The following CPN1 variants were observed in gnomAD, a reference collection of about 807,000 sequenced individuals.
The protein encoded by CPN1 is carboxypeptidase N catalytic chain.
CPN1 carries 37 observed loss-of-function variants against 46.4 expected under a neutral mutation model. The ratio of observed to expected loss-of-function variants is 0.80; its 90% CI spans 0.61 to 1.05. The LOEUF is 1.05. CPN1 is among the 50% of genes least tolerant of loss of function. The pLI is 0.00. For synonymous variants in CPN1, 224 were observed against 235.4 expected, an observed-to-expected ratio of 0.95 and a Z score of 0.44; for missense variants, 563 against 602.6, an observed-to-expected ratio of 0.93 and a Z score of 0.69.
At chr10:100,072,069 G>A (rs946304521) in intron 2 of CPN1, among the ~76,000 whole-genome samples, 4 of 152,152 alleles carry the variant, frequency 2.6e-5, no homozygotes, top group South Asian at 2.1e-4. Flanking sequence ...GAACATCCAC[G>A]TACAAGTCTT....
intron 5 of CPN1, 48 bp from the exon 6 acceptor site, chr10:100,057,200 C>T (rs769575861): frequency 1.4e-5 from 23 of 1,598,912 alleles, no homozygotes; most frequent in Non-Finnish European, 2.0e-5. Context: ...GGTTCCCACC[C>T]AATGCCCCAT....
chr10:100,070,667 TC>T (rs923922838), intron 2 of CPN1, among the ~76,000 whole-genome samples: 1 of 152,180 alleles, frequency 6.6e-6, no homozygotes, highest in African/African-American at 2.4e-5. Flanking sequence ...TTATCCAAAG[TC>T]ACAGTGGTGG....
At chr10:100,051,274 T>C (rs2041351194) in intron 7 of CPN1, among the ~76,000 whole-genome samples, 1 of 152,140 alleles carries the variant, frequency 6.6e-6, no homozygotes. Context: ...CCCTATTAAA[T>C]GTCTGTAATT....
At chr10:100,058,170 TG>T (rs1237337961) in intron 5 of CPN1, among the ~76,000 whole-genome samples, 1 of 152,208 alleles carries the variant, frequency 6.6e-6, no homozygotes, top group Non-Finnish European at 1.5e-5. Flanking sequence ...TCATCCTTTA[TG>T]TTTTTTTTCC....
Position 100,065,347 on chromosome 10 carries a change from C to T in CPN1, c.600G>A (p.Val200=). 2 of 1,614,176 alleles carry T rather than the reference C, an allele frequency of 1.2e-6. No individual in the cohort carries two copies. Among genetic ancestry groups the T allele is most frequent in the African/African-American group, 1.3e-5 (1 of 75,040 alleles). The change falls in exon 4 of 9, where the codon GTG becomes GTA. Residue 200 remains valine, a synonymous_variant. Coordinates refer to ENST00000370418, the MANE Select transcript of CPN1 (RefSeq NM_001308.3). ...AGTTGAAGGAGTGCATCCACCGGAT[C>T]ACCGCCCGGGTCTCGGGTTCCACCT... ...KSQVEPETRA[V]IRWMHSFNFV...
At chr10:100,050,325 G>A (rs1434118129) in intron 7 of CPN1, among the ~76,000 whole-genome samples, 5 of 152,086 alleles carry the variant, frequency 3.3e-5, no homozygotes, top group African/African-American at 1.2e-4. Flanking sequence ...CTGCACTCCA[G>A]CCTTGGTGAC....
intron 7 of CPN1, among the ~76,000 whole-genome samples, chr10:100,053,063 A>T (rs2041364688): frequency 6.6e-6 from 1 of 152,198 alleles, no homozygotes; most frequent in Admixed American, 6.6e-5. Flanking sequence ...AGAAACAAAT[A>T]AAAAGGATGG....
chr10:100,071,891 G>A lies in CPN1; in HGVS notation c.421-2022C>T, dbSNP rs113498520. Among the ~76,000 whole-genome samples, 1,245 of 152,238 alleles carry A rather than the reference G, an allele frequency of 8.2e-3. 23 individuals carry two copies. Among genetic ancestry groups the A allele is most frequent in the African/African-American group, 0.027 (1,136 of 41,532 alleles). ...CCAAGGATTTTGATATTGGTGGGGG[G>A]CCCTGGAATCAATCACCTACGGATA... On this transcript the variant is annotated intron_variant, in intron 2 of 8. Coordinates refer to ENST00000370418, the MANE Select transcript of CPN1 (RefSeq NM_001308.3).
chr10:100,076,093 T>C lies in CPN1; in HGVS notation c.238A>G (p.Lys80Glu), dbSNP rs374239992. 21 of 1,614,078 alleles carry C rather than the reference T, an allele frequency of 1.3e-5. No homozygotes were observed. In the African/African-American group the frequency reaches 2.7e-4, roughly 21 times the overall value. ...GIHEPLEPEV[K>E]YVGNMHGNEA... ...TTGCCGTGCATGTTCCCCACATACT[T>C]GACCTCTGGTTCCACTGCAAGGAAG... is the stretch of plus-strand genomic sequence containing the variant. The change falls in exon 2 of 9, where the codon AAG (lysine) becomes GAG (glutamate). Residue 80 changes from lysine to glutamate, a missense_variant. By Grantham distance (56) the Lys-to-Glu change is moderately conservative. Coordinates refer to ENST00000370418, the MANE Select transcript of CPN1 (RefSeq NM_001308.3).
At chr10:100,055,193 A>G (rs2041378391) in intron 6 of CPN1, among the ~76,000 whole-genome samples, 2 of 151,656 alleles carry the variant, frequency 1.3e-5, no homozygotes, top group African/African-American at 4.8e-5. Context: ...GGCTTAGATC[A>G]CGCCACTGCA....
At chr10:100,055,167 G>A (rs2041378255) in intron 6 of CPN1, among the ~76,000 whole-genome samples, 2 of 151,900 alleles carry the variant, frequency 1.3e-5, no homozygotes, top group Non-Finnish European at 2.9e-5. Context: ...AAACTGAGGA[G>A]GCGGAGGTTG....
At chr10:100,045,237 T>C (rs527500937) in intron 8 of CPN1, among the ~76,000 whole-genome samples, 1 of 152,340 alleles carries the variant, frequency 6.6e-6, no homozygotes, top group Non-Finnish European at 1.5e-5. Context: ...TCCTTTGAAA[T>C]TGAGTGTGTT....
intron 7 of CPN1, among the ~76,000 whole-genome samples, chr10:100,049,179 G>A (rs2041335635): frequency 1.3e-5 from 2 of 148,878 alleles, no homozygotes; most frequent in Admixed American, 6.7e-5. Flanking sequence ...GGCTAATATC[G>A]AACCCCTGAC....
chr10:100,056,991 GA>G, intron 6 of CPN1, 21 bp downstream of exon 6: 1 of 1,614,084 alleles, frequency 6.2e-7, no homozygotes, highest in Non-Finnish European at 8.5e-7. Context: ...GCAAACATGA[GA>G]GTTAACAAAT....
chr10:100,049,379 C>G (rs2133426830), intron 7 of CPN1, among the ~76,000 whole-genome samples: 1 of 152,046 alleles, frequency 6.6e-6, no homozygotes, highest in Non-Finnish European at 1.5e-5. Flanking sequence ...TCTCCTGCCT[C>G]AGCCTCCCAA....
At position 100,054,395 on chromosome 10, in the gene CPN1, C is replaced by T. The variant is rs771923245; in HGVS notation, c.1063G>A (p.Ala355Thr). 1.3e-5 allele frequency: 21 copies of T among 1,613,902 alleles called. No individual in the cohort carries two copies. Among genetic ancestry groups the T allele is most frequent in the Admixed American group, 6.7e-5 (4 of 59,988 alleles). ...MVLDENYNNL[A>T]NAVISVSGIN... The stretch of plus-strand genomic sequence containing the variant: ...CCACTGACAGAAATGACAGCATTGG[C>T]GAGATTATTGTAATTCTCATCAAGC... The change falls in exon 7 of 9, where the codon GCC (alanine) becomes ACC (threonine). Residue 355 changes from alanine to threonine, a missense_variant. Coordinates refer to ENST00000370418, the MANE Select transcript of CPN1 (RefSeq NM_001308.3).
chr10:100,064,403 G>A (rs1346853427), intron 4 of CPN1, among the ~76,000 whole-genome samples: 1 of 148,208 alleles, frequency 6.7e-6, no homozygotes, highest in Non-Finnish European at 1.5e-5. Flanking sequence ...TTTTTGAGAC[G>A]GAGTTTCACT....
rs958792180 is a variant in CPN1 at position 100,081,796 on chromosome 10, G to T, written c.-171C>A. 3.0e-6 allele frequency: 2 copies of T among 665,404 alleles called. No individual in the cohort carries two copies. Among genetic ancestry groups the T allele is most frequent in the East Asian group, 2.8e-5 (1 of 36,018 alleles). The allele number at this position is 665,404 out of a possible 1,614,324, so 41.2% of individuals were successfully genotyped here. ...TCCAAGGCTGGAAATTCTTTATGTC[G>T]TTCTGGAATAGCCACTCATCTCTCC... is the stretch of plus-strand genomic sequence containing the variant. On this transcript the variant is annotated 5_prime_UTR_variant, in exon 1 of 9. Coordinates refer to ENST00000370418, the MANE Select transcript of CPN1 (RefSeq NM_001308.3).
chr10:100,071,557 T>C (rs1361900432), intron 2 of CPN1, among the ~76,000 whole-genome samples: 1 of 152,216 alleles, frequency 6.6e-6, no homozygotes, highest in Non-Finnish European at 1.5e-5. Context: ...TGATTCTAGG[T>C]GACCTCATCT....
Sources: allele counts gnomAD v4.1 joint callset (sites outside exome capture counted in the v4.1 genomes callset), GRCh38; gene constraint gnomAD v4.1.1; transcripts MANE v1.5; gene names NCBI Gene and HGNC (gene_info 2026-07-23, HGNC 2026-07-21).